Variants in STK33 observed in about 807,000 individuals in gnomAD.
STK33 encodes serine/threonine kinase 33, also known as serine/threonine-protein kinase 33.
Under a neutral mutation model 58.0 loss-of-function variants are expected in STK33, and 52 were observed. The observed-to-expected ratio is 0.90, with a 90% CI of 0.72 to 1.13. STK33 has a LOEUF of 1.13. Ranked by LOEUF, STK33 falls within the 50% of genes most tolerant of loss-of-function variation. The probability of loss-of-function intolerance (pLI) is 0.00; values close to 1 mark genes in which losing one functional copy is unlikely to be tolerated. For missense variants in STK33, 630 were observed against 604.2 expected (o/e 1.04, Z -0.45); for synonymous variants, 215 against 200.1 (o/e 1.07, Z -0.63).
chr11:8,548,632 A>G (rs948440172), intron 1 of STK33, among the ~76,000 whole-genome samples: 1 of 152,178 alleles, frequency 6.6e-6, no homozygotes, highest in Non-Finnish European at 1.5e-5. Flanking sequence ...TTTTTCTTCT[A>G]TTCTGTAAAG....
chr11:8,355,174 G>A, the STK33 span, among the ~76,000 whole-genome samples: 48 of 152,280 alleles, frequency 3.2e-4, 1 homozygote, highest in African/African-American at 1.1e-3. Context: ...GCCCTCACCA[G>A]GCAGTCAGTA....
intron 1 of STK33, among the ~76,000 whole-genome samples, chr11:8,583,203 C>G (rs532457861): frequency 6.6e-6 from 1 of 152,274 alleles, no homozygotes; most frequent in Non-Finnish European, 1.5e-5. Context: ...GATCATGTGT[C>G]CCCTTGGTCA....
At chr11:8,579,275 T>A (rs984948014) in intron 1 of STK33, among the ~76,000 whole-genome samples, 4 of 152,038 alleles carry the variant, frequency 2.6e-5, no homozygotes, top group Non-Finnish European at 4.4e-5. Flanking sequence ...AGTGGAGCCC[T>A]TATTGCCACT....
the STK33 span, among the ~76,000 whole-genome samples, chr11:8,366,992 ATTTG>A: frequency 6.6e-6 from 1 of 152,178 alleles, no homozygotes. Flanking sequence ...GTGCAAGTGT[ATTTG>A]TTATTCTTGT....
chr11:8,411,582 G>A (rs1376592330), intron 15 of STK33, among the ~76,000 whole-genome samples: 1 of 152,162 alleles, frequency 6.6e-6, no homozygotes, highest in Non-Finnish European at 1.5e-5. Flanking sequence ...ACCTAAGCAT[G>A]GGAAAGTTCC....
chr11:8,350,695 C>A, the STK33 span, among the ~76,000 whole-genome samples: 1 of 152,106 alleles, frequency 6.6e-6, no homozygotes, highest in Non-Finnish European at 1.5e-5. Flanking sequence ...CAGCCCATCA[C>A]AGAGGAACCT....
intron 1 of STK33, among the ~76,000 whole-genome samples, chr11:8,481,514 A>C (rs1565150805): frequency 6.6e-6 from 1 of 152,352 alleles, no homozygotes; most frequent in African/African-American, 2.4e-5. Flanking sequence ...AAACAAGGCA[A>C]GTACCCAGCA....
the STK33 span, among the ~76,000 whole-genome samples, chr11:8,339,289 T>C: frequency 6.6e-6 from 1 of 152,184 alleles, no homozygotes; most frequent in South Asian, 2.1e-4. Context: ...TTATATTTAA[T>C]TGGACAATTA....
At chr11:8,426,049 C>T (rs538227390) in intron 14 of STK33, among the ~76,000 whole-genome samples, 111 of 152,314 alleles carry the variant, frequency 7.3e-4, no homozygotes, top group Non-Finnish European at 1.2e-3. Context: ...GACCCCCTGC[C>T]TCATCACAAG....
intron 1 of STK33, among the ~76,000 whole-genome samples, chr11:8,496,041 T>C (rs1397404150): frequency 2.0e-5 from 3 of 151,938 alleles, no homozygotes; most frequent in East Asian, 3.9e-4. Context: ...GGTTCACGCA[T>C]ACCTATGTAA....
At chr11:8,355,428 C>T in the STK33 span, among the ~76,000 whole-genome samples, 24 of 152,224 alleles carry the variant, frequency 1.6e-4, no homozygotes, top group East Asian at 1.2e-3. Flanking sequence ...GGCTCTAGGT[C>T]GAAGTGAGGA....
chr11:8,411,118 G>C (rs911276786), intron 15 of STK33, among the ~76,000 whole-genome samples: 1 of 152,222 alleles, frequency 6.6e-6, no homozygotes, highest in Non-Finnish European at 1.5e-5. Context: ...AGGAGTGAAA[G>C]TCAAGTCTAT....
At chr11:8,376,159 C>T in the STK33 span, among the ~76,000 whole-genome samples, 8 of 152,196 alleles carry the variant, frequency 5.3e-5, no homozygotes, top group East Asian at 1.9e-4. Flanking sequence ...CATCACTGAG[C>T]GACAGCCACC....
intron 11 of STK33, among the ~76,000 whole-genome samples, chr11:8,445,784 G>A (rs1945370389): frequency 1.3e-5 from 2 of 152,172 alleles, no homozygotes; most frequent in South Asian, 4.1e-4. Context: ...CAGTTTGCCA[G>A]TATTTTATTG....
chr11:8,563,898 G>A (rs1957277082), intron 1 of STK33, among the ~76,000 whole-genome samples: 2 of 152,082 alleles, frequency 1.3e-5, no homozygotes, highest in South Asian at 4.2e-4. Context: ...TGGCAGATTT[G>A]AGGAAATTAA....
At chr11:8,428,208 A>G (rs548572896) in intron 14 of STK33, among the ~76,000 whole-genome samples, 1 of 152,292 alleles carries the variant, frequency 6.6e-6, no homozygotes, top group African/African-American at 2.4e-5. Flanking sequence ...AATGCCTACA[A>G]CGAGTTAATT....
At chr11:8,581,131 T>C (rs2030133498) in intron 1 of STK33, among the ~76,000 whole-genome samples, 1 of 152,026 alleles carries the variant, frequency 6.6e-6, no homozygotes, top group Non-Finnish European at 1.5e-5. Context: ...TTTTCCTTCC[T>C]TCCCATCAAC....
At chr11:8,590,604 C>T (rs1011356543) in intron 1 of STK33, among the ~76,000 whole-genome samples, 1 of 152,040 alleles carries the variant, frequency 6.6e-6, no homozygotes, top group African/African-American at 2.4e-5. Flanking sequence ...AATTACTGCC[C>T]CTCACCTTGT....
At chr11:8,337,083 C>T in the STK33 span, among the ~76,000 whole-genome samples, 72 of 152,382 alleles carry the variant, frequency 4.7e-4, no homozygotes, top group Admixed American at 2.9e-3. Context: ...GTTTGAACTT[C>T]TCTGAGCAAG....
Sources: allele counts gnomAD v4.1 joint callset (sites outside exome capture counted in the v4.1 genomes callset), GRCh38; gene constraint gnomAD v4.1.1; transcripts MANE v1.5; gene names NCBI Gene and HGNC (gene_info 2026-07-23, HGNC 2026-07-21).